Variants in SAMHD1 observed in about 807,000 individuals in gnomAD.
SAMHD1 encodes the protein deoxynucleoside triphosphate triphosphohydrolase SAMHD1.
SAMHD1 carries 54 observed loss-of-function variants against 79.6 expected under a neutral mutation model. The observed-to-expected ratio is 0.68, with a 90% CI of 0.55 to 0.85. The LOEUF is 0.85. Ranked by LOEUF, SAMHD1 falls within the 40% of genes least tolerant of loss-of-function variation. The probability of loss-of-function intolerance (pLI) is 0.00; values close to 1 mark genes in which losing one functional copy is unlikely to be tolerated. For synonymous variants in SAMHD1, 260 were observed against 264.1 expected (o/e 0.98, Z 0.15); for missense variants, 663 against 782.7 (o/e 0.85, Z 1.82).
chr20:36,908,966 A>G (rs1348731107), intron 11 of SAMHD1, among the ~76,000 whole-genome samples: 1 of 151,400 alleles, frequency 6.6e-6, no homozygotes, highest in Non-Finnish European at 1.5e-5. Flanking sequence ...ATTTATTTTT[A>G]TTTATTCATT....
chr20:36,947,372 C>G lies in SAMHD1; in HGVS notation c.209-568G>C, dbSNP rs555130568. 4.9e-4 allele frequency among the ~76,000 whole-genome samples: 37 copies of G among 75,400 alleles called. 1 individual carries two copies. The highest frequency in any genetic ancestry group is 2.3e-3 in the African/African-American group (36 of 15,914). The allele number at this position is 75,400 out of a possible 152,430, so 49.5% of individuals were successfully genotyped here. On this transcript the variant is annotated intron_variant, in intron 1 of 15. Coordinates refer to ENST00000646673, the MANE Select transcript of SAMHD1 (RefSeq NM_015474.4). Reference sequence around the variant, plus strand: ...GTGTCCTGGGAAAGCACTCAATACTCTGATTTGGAAGAGGTGTGTGTGATT... The same window carrying G: ...GTGTCCTGGGAAAGCACTCAATACTGTGATTTGGAAGAGGTGTGTGTGATT...
intron 3 of SAMHD1, among the ~76,000 whole-genome samples, chr20:36,935,971 C>T (rs2063601161): frequency 1.3e-5 from 2 of 152,024 alleles, no homozygotes; most frequent in South Asian, 4.1e-4. Flanking sequence ...AATTCCTCTA[C>T]CATATAGATA....
At chr20:36,932,185 T>C (rs1251464526) in intron 4 of SAMHD1, among the ~76,000 whole-genome samples, 2 of 151,586 alleles carry the variant, frequency 1.3e-5, no homozygotes, top group African/African-American at 2.4e-5. Context: ...TCCCAGCTAC[T>C]TGGAAGGCTG....
At chr20:36,894,100 C>T in intron 15 of SAMHD1, 1 of 396,572 alleles carries the variant, frequency 2.5e-6, no homozygotes, top group Non-Finnish European at 4.4e-6. Context: ...GTAGCAGCTT[C>T]CTGCTGTTGA....
intron 2 of SAMHD1, among the ~76,000 whole-genome samples, chr20:36,943,846 G>A (rs1349116500): frequency 5.3e-5 from 8 of 152,206 alleles, no homozygotes; most frequent in Non-Finnish European, 8.8e-5. Flanking sequence ...TTGGGAGGCT[G>A]AGGCAGGCAG....
chr20:36,910,500 C>T (rs970535744), intron 11 of SAMHD1, among the ~76,000 whole-genome samples: 9 of 151,712 alleles, frequency 5.9e-5, no homozygotes, highest in African/African-American at 2.2e-4. Context: ...GAGATGGAGG[C>T]GGGTGGATCA....
At chr20:36,922,538 C>T (rs1312607282) in intron 6 of SAMHD1, among the ~76,000 whole-genome samples, 2 of 152,130 alleles carry the variant, frequency 1.3e-5, no homozygotes, top group East Asian at 3.8e-4. Context: ...ACCACAATGA[C>T]CAGCTGATGT....
chr20:36,907,290 C>T (rs2063410502), intron 11 of SAMHD1, among the ~76,000 whole-genome samples: 3 of 150,034 alleles, frequency 2.0e-5, no homozygotes, highest in South Asian at 4.2e-4. Flanking sequence ...GACAGGGTCT[C>T]GCTCTGTTGT....
intron 6 of SAMHD1, among the ~76,000 whole-genome samples, chr20:36,926,521 G>A (rs1055140005): frequency 3.3e-5 from 5 of 151,910 alleles, no homozygotes; most frequent in Admixed American, 6.6e-5. Context: ...GGATGTATAC[G>A]CCTGTCAAAA....
intron 6 of SAMHD1, among the ~76,000 whole-genome samples, chr20:36,924,545 G>C (rs2063525653): frequency 6.6e-6 from 1 of 152,066 alleles, no homozygotes; most frequent in Admixed American, 6.6e-5. Flanking sequence ...TTAGTGATTG[G>C]CTACATATTA....
chr20:36,903,110 G>C (rs1220410248), intron 13 of SAMHD1, among the ~76,000 whole-genome samples: 1 of 152,196 alleles, frequency 6.6e-6, no homozygotes, highest in African/African-American at 2.4e-5. Context: ...ATAAACTAGA[G>C]GGCCTGATGA....
At position 36,934,001 on chromosome 20, in the gene SAMHD1, G is replaced by A. The variant is rs144518288; in HGVS notation, c.509+1028C>T. Among the ~76,000 whole-genome samples, 1,038 of 151,478 alleles carry A rather than the reference G, an allele frequency of 6.9e-3. 10 individuals are homozygous for A. The highest frequency in any genetic ancestry group is 0.021 in the African/African-American group (856 of 41,296). On this transcript the variant is annotated intron_variant, in intron 4 of 15. Transcript: ENST00000646673. ...GCAGAGGTTGCAGTGAGCTGAGATC[G>A]TGCCATTGCACTCCAGCCTGGGCGA... is the stretch of plus-strand genomic sequence containing the variant.
intron 1 of SAMHD1, among the ~76,000 whole-genome samples, chr20:36,947,591 T>TGTGTGTG (rs1568786315): frequency 4.4e-4 from 64 of 146,966 alleles, no homozygotes; most frequent in Non-Finnish European, 5.0e-4. Flanking sequence ...TGTGTGTGTG[T>TGTGTGTG]TGTTGGGTTT....
chr20:36,897,511 A>G (rs1488546453), intron 15 of SAMHD1: 3 of 416,120 alleles, frequency 7.2e-6, no homozygotes, highest in Non-Finnish European at 1.3e-5. Context: ...AACCTCTGAA[A>G]GATGGAGACA....
intron 10 of SAMHD1, 126 bp from the exon 11 acceptor site, chr20:36,911,459 T>C: frequency 1.5e-6 from 1 of 685,918 alleles, no homozygotes; most frequent in Non-Finnish European, 2.6e-6. Context: ...TAAAGACAAC[T>C]GCTTCTCCAC....
intron 5 of SAMHD1, among the ~76,000 whole-genome samples, chr20:36,930,426 G>C (rs1014137933): frequency 1.3e-5 from 2 of 152,024 alleles, no homozygotes; most frequent in African/African-American, 4.8e-5. Context: ...AAACCAGGAA[G>C]CGGAGGTTGC....
chr20:36,906,245 C>T (rs925099541), intron 11 of SAMHD1, among the ~76,000 whole-genome samples: 3 of 152,190 alleles, frequency 2.0e-5, no homozygotes, highest in Non-Finnish European at 4.4e-5. Context: ...TGAGACCAGC[C>T]TGGCCAACAT....
chr20:36,909,257 C>T (rs910281554), intron 11 of SAMHD1, among the ~76,000 whole-genome samples: 6 of 152,072 alleles, frequency 3.9e-5, no homozygotes, highest in Admixed American at 1.3e-4. Flanking sequence ...CCACCGTGCC[C>T]GGCCCAATTT....
intron 2 of SAMHD1, among the ~76,000 whole-genome samples, chr20:36,945,976 T>G (rs1051450426): frequency 6.6e-6 from 1 of 151,282 alleles, no homozygotes; most frequent in Non-Finnish European, 1.5e-5. Context: ...ACATAGGATT[T>G]GTACAGCGAA....
Sources: gnomAD v4.1 joint callset for allele counts (sites outside exome capture counted in the v4.1 genomes callset) on GRCh38, gnomAD v4.1.1 for gene constraint, MANE v1.5 for transcripts, NCBI Gene and HGNC (gene_info 2026-07-23, HGNC 2026-07-21) for gene names.